Variants in ZFR2 observed in about 807,000 individuals in gnomAD.
ZFR2 encodes the protein zinc finger RNA binding protein 2.
Under a neutral mutation model 105.7 loss-of-function variants are expected in ZFR2, and 104 were observed. The ratio of observed to expected loss-of-function variants is 0.98; its 90% CI spans 0.84 to 1.16. The LOEUF (loss-of-function observed/expected upper bound fraction) is 1.16. Among genes scored for constraint, ZFR2 ranks in the 50% most tolerant of loss-of-function variants. ZFR2 has a pLI of 0.00. For synonymous variants in ZFR2, 634 were observed against 597.7 expected (o/e 1.06, Z -0.89); for missense variants, 1,425 against 1,355.5 (o/e 1.05, Z -0.80).
rs1368491205 is a variant in ZFR2, at chr19:3,833,733, C to T, written c.310G>A (p.Asp104Asn). ...GCAGCAGACTGGAAGTACGGCCTGT[C>T]CTCATAGCTCCTGGCAGCTGCTGAC... Reference protein sequence around the residue: ...GQSAAARSYEDRPYFQSAALQ... With the variant: ...GQSAAARSYENRPYFQSAALQ... The change falls in exon 3 of 19, where the codon GAC (aspartate) becomes AAC (asparagine). Residue 104 changes from aspartate to asparagine, a missense_variant. By Grantham distance (23) the Asp-to-Asn change is conservative. Coordinates refer to ENST00000262961, the MANE Select transcript of ZFR2 (RefSeq NM_015174.2). 3.2e-6 allele frequency: 5 copies of T among 1,582,946 alleles called. No homozygotes were observed. The East Asian group carries it at 1.2e-4, about 36-fold the overall frequency.
At chr19:3,839,458 AGGAGGC>A in intron 1 of ZFR2, among the ~76,000 whole-genome samples, 1 of 144,206 alleles carries the variant, frequency 6.9e-6, no homozygotes, top group Admixed American at 7.4e-5. Flanking sequence ...GCTGGAACCC[AGGAGGC>A]GGAGGCGGAG....
chr19:3,850,036 G>A lies in ZFR2; in HGVS notation c.54-15053C>T, dbSNP rs143435007. 1.8e-3 allele frequency among the ~76,000 whole-genome samples: 268 copies of A among 152,154 alleles called. 1 individual carries two copies. Among genetic ancestry groups the A allele is most frequent in the African/African-American group, 5.7e-3 (238 of 41,518 alleles). The stretch of plus-strand genomic sequence containing the variant: ...CATCAGGCAAGATACCCTTGACCTC[G>A]CCGCAGGTCCCCACCCTGTCCCGCC... On this transcript the variant is annotated intron_variant, in intron 1 of 18. Coordinates refer to ENST00000262961, the MANE Select transcript of ZFR2 (RefSeq NM_015174.2).
rs1599225993 is a variant in ZFR2 at position 3,819,106 on chromosome 19, C to T, written c.1870G>A (p.Val624Met). Residue 624 changes from valine (V) to methionine (M), a missense_variant, in exon 12 of 19, where the codon GTG (valine) becomes ATG (methionine). Val to Met is a conservative substitution (Grantham distance 21). Coordinates refer to ENST00000262961, the MANE Select transcript of ZFR2 (RefSeq NM_015174.2). Reference sequence around the variant, plus strand: ...TCCTCCTCGGCCAGTGTGTCGGACACCAGCTTGAGGGCCCGCTCTGCGTGG... The same window carrying T: ...TCCTCCTCGGCCAGTGTGTCGGACATCAGCTTGAGGGCCCGCTCTGCGTGG... ...VSHAERALKL[V>M]SDTLAEEDRG... 6.2e-7 allele frequency: 1 copy of T among 1,612,412 alleles called. No individual in the cohort carries two copies. The highest frequency in any genetic ancestry group is 8.5e-7 in the Non-Finnish European group (1 of 1,179,786).
rs1181971866 is a variant in ZFR2, at chr19:3,869,010, G to C, written c.8C>G (p.Thr3Arg). 30 of 1,369,096 alleles carry C rather than the reference G, an allele frequency of 2.2e-5. No homozygotes were observed. The highest frequency in any genetic ancestry group is 2.9e-5 in the Non-Finnish European group (30 of 1,050,748). The allele number at this position is 1,369,096 out of a possible 1,614,324, so 84.8% of individuals were successfully genotyped here. Residue 3 changes from threonine (T) to arginine (R), a missense_variant, in exon 1 of 19, where the codon ACG (threonine) becomes AGG (arginine). By Grantham distance (71) the Thr-to-Arg change is moderately conservative. Coordinates refer to ENST00000262961, the MANE Select transcript of ZFR2 (RefSeq NM_015174.2). ...CTGCGCGAAGTCGAAATACTGACTC[G>C]TCGCCATCTTGGCGTCTTCCCCGAG... is the stretch of plus-strand genomic sequence containing the variant. MA[T>R]SQYFDFAQGG...
chr19:3,812,688 T>A (rs2037778747), intron 14 of ZFR2, among the ~76,000 whole-genome samples: 1 of 152,158 alleles, frequency 6.6e-6, no homozygotes, highest in Non-Finnish European at 1.5e-5. Context: ...CACACTGTAC[T>A]TAGTTTTTAG....
At chr19:3,849,590 T>G (rs1187676204) in intron 1 of ZFR2, among the ~76,000 whole-genome samples, 2 of 152,226 alleles carry the variant, frequency 1.3e-5, no homozygotes, top group African/African-American at 4.8e-5. Context: ...ACTGATGGTC[T>G]AGGACAAGCT....
In ZFR2 at chr19:3,834,844, C is replaced by T. The variant is rs763887729; in HGVS notation, c.193G>A (p.Gly65Ser). 9.9e-6 allele frequency: 16 copies of T among 1,611,718 alleles called. No individual in the cohort carries two copies. Among genetic ancestry groups the T allele is most frequent in the East Asian group, 4.5e-5 (2 of 44,872 alleles). Residue 65 changes from glycine to serine, a missense_variant, in exon 2 of 19, where the codon GGC becomes AGC. By Grantham distance (56) the Gly-to-Ser change is moderately conservative (BLOSUM62 0). Coordinates refer to ENST00000262961, the MANE Select transcript of ZFR2 (RefSeq NM_015174.2). This position sits in a 1 kb window ranked among gnomAD's most constrained non-coding sequence, Gnocchi z 5.3. ...AGYGGYQPHSGQDFAYGSRPQ... is the reference protein window; with the variant it reads ...AGYGGYQPHSSQDFAYGSRPQ... ...CGGCTGCCGTAGGCGAAGTCCTGGC[C>T]GGAGTGGGGCTGGTATCCACCGTAC...
At chr19:3,846,000 G>A (rs554018101) in intron 1 of ZFR2, among the ~76,000 whole-genome samples, 37 of 152,196 alleles carry the variant, frequency 2.4e-4, no homozygotes, top group East Asian at 7.7e-4. Context: ...TTTCTGAAAC[G>A]GAGTCTTGCT....
Position 3,833,711 on chromosome 19 carries a change from G to A in ZFR2, c.332C>T (p.Ala111Val), listed in dbSNP as rs773957821. ...SYEDRPYFQS[A>V]ALQSGRMTAA... is the part of the protein sequence containing the mutation. The stretch of plus-strand genomic sequence containing the variant: ...TGTCATGCGCCCAGACTGGAGGGCA[G>A]CAGACTGGAAGTACGGCCTGTCCTC... The change falls in exon 3 of 19, where the codon GCT (alanine) becomes GTT (valine). Residue 111 changes from alanine (A) to valine (V), a missense_variant. By Grantham distance (64) the Ala-to-Val change is moderately conservative (BLOSUM62 0). Transcript: ENST00000262961. The A allele has an allele frequency of 9.5e-6, 15 of 1,579,014 alleles. 1 individual carries two copies. In the South Asian group the frequency reaches 1.6e-4, roughly 17 times the overall value.
intron 1 of ZFR2, 104 bp from the exon 2 acceptor site, chr19:3,835,087 C>T: frequency 7.3e-7 from 1 of 1,366,328 alleles, no homozygotes; most frequent in Non-Finnish European, 1.0e-6. Context: ...CTGAGCTGCC[C>T]TGCTTGGTGG....
Position 3,806,129 on chromosome 19 carries a change from C to G in ZFR2, c.2644-4G>C. On this transcript the variant is annotated splice_region_variant and splice_polypyrimidine_tract_variant and intron_variant, in intron 18 of 18. Coordinates refer to ENST00000262961, the MANE Select transcript of ZFR2 (RefSeq NM_015174.2). ...AGGCCAGCATTCGCAGGGCGTGCTG[C>G]GGGGCACACACAGCCTGTCAGGACC... 1 of 1,438,556 alleles carries G rather than the reference C, an allele frequency of 7.0e-7. No individual in the cohort carries two copies. The highest frequency in any genetic ancestry group is 2.7e-5 in the East Asian group (1 of 36,720). 89.1% of individuals were successfully genotyped at this position (1,438,556 alleles called of 1,614,324 possible).
At chr19:3,859,013 G>A (rs1001195420) in intron 1 of ZFR2, among the ~76,000 whole-genome samples, 4 of 152,074 alleles carry the variant, frequency 2.6e-5, no homozygotes, top group African/African-American at 7.2e-5. Context: ...GCAAAATATT[G>A]TCCTGGGTGT....
intron 1 of ZFR2, among the ~76,000 whole-genome samples, chr19:3,855,979 T>C (rs11670741): frequency 0.44 from 66,694 of 151,924 alleles, 15,458 homozygotes; most frequent in Admixed American, 0.51. Context: ...AGGAGGGACA[T>C]GGGCTACGTT....
chr19:3,813,692 G>A lies in ZFR2; in HGVS notation c.2242+128C>T. The A allele has an allele frequency of 7.5e-7, 1 of 1,342,186 alleles. No homozygotes were observed. Among genetic ancestry groups the A allele is most frequent in the South Asian group, 1.3e-5 (1 of 74,776 alleles). 83.1% of individuals were successfully genotyped at this position (1,342,186 alleles called of 1,614,324 possible). Reference sequence around the variant, plus strand: ...ATGGAATCCTCAGGGGGACAGCAGTGCTGGAGCGTGGCTGCTGTGGCATTT... The same window carrying A: ...ATGGAATCCTCAGGGGGACAGCAGTACTGGAGCGTGGCTGCTGTGGCATTT... On this transcript the variant is annotated intron_variant, in intron 14 of 18. Transcript: ENST00000262961. The surrounding 1 kb of genome is among the most constrained non-coding windows in gnomAD (Gnocchi z 4.4).
chr19:3,819,723 G>A (rs1380728319), intron 11 of ZFR2, among the ~76,000 whole-genome samples: 3 of 152,102 alleles, frequency 2.0e-5, no homozygotes, highest in African/African-American at 4.8e-5. Flanking sequence ...GTGGTGGCGG[G>A]CGCCCATAGT....
At chr19:3,859,793 A>ATTTCAT (rs2038351852) in intron 1 of ZFR2, among the ~76,000 whole-genome samples, 1 of 152,216 alleles carries the variant, frequency 6.6e-6, no homozygotes, top group Non-Finnish European at 1.5e-5. Context: ...CACACCCAGA[A>ATTTCAT]TTTCATTTTG....
chr19:3,829,940 T>C (rs973054051), intron 5 of ZFR2, among the ~76,000 whole-genome samples: 1 of 152,222 alleles, frequency 6.6e-6, no homozygotes, highest in Non-Finnish European at 1.5e-5. Flanking sequence ...GTACTGACCC[T>C]TTCTGAGCCT....
chr19:3,834,754 C>A lies in ZFR2; in HGVS notation c.264+19G>T. Reference sequence around the variant, plus strand: ...ACCCACGTTTCCCGGCAACGCTGGTCAAAGAAAGGACTGGATACCTGGTAG... The same window carrying A: ...ACCCACGTTTCCCGGCAACGCTGGTAAAAGAAAGGACTGGATACCTGGTAG... On this transcript the variant is annotated intron_variant, in intron 2 of 18. Coordinates refer to ENST00000262961, the MANE Select transcript of ZFR2 (RefSeq NM_015174.2). This position sits in a 1 kb window ranked among gnomAD's most constrained non-coding sequence, Gnocchi z 5.3. 1 of 1,610,100 alleles carries A rather than the reference C, an allele frequency of 6.2e-7. No homozygotes were observed. The highest frequency in any genetic ancestry group is 1.1e-5 in the South Asian group (1 of 90,722).
In ZFR2 at chr19:3,805,531, A is replaced by G. The variant is rs2145125476; in HGVS notation, c.*418T>C. 2 of 159,062 alleles carry G rather than the reference A, an allele frequency of 1.3e-5. No homozygotes were observed. Among genetic ancestry groups the G allele is most frequent in the East Asian group, 3.8e-4 (2 of 5,326 alleles). The allele number at this position is 159,062 out of a possible 1,614,324, so 9.9% of individuals were successfully genotyped here. A position where few individuals can be genotyped will look rare whatever the true frequency, so the allele number is the denominator to read the frequency against. ...CGCCAGGCTAATTGTTGTGTTTTTTACTAGAGACAGGGTTTCACCATGTTG... is the reference window on the plus strand; with the variant it reads ...CGCCAGGCTAATTGTTGTGTTTTTTGCTAGAGACAGGGTTTCACCATGTTG... On this transcript the variant is annotated 3_prime_UTR_variant, in exon 19 of 19. Coordinates refer to ENST00000262961, the MANE Select transcript of ZFR2 (RefSeq NM_015174.2).
Sources: allele counts gnomAD v4.1 joint callset (sites outside exome capture counted in the v4.1 genomes callset), GRCh38; gene constraint gnomAD v4.1.1; non-coding constraint Gnocchi (gnomAD v3.1); transcripts MANE v1.5; gene names NCBI Gene and HGNC (gene_info 2026-07-23, HGNC 2026-07-21).